The following MGAT5 variants were observed in gnomAD, a reference collection of about 807,000 sequenced individuals.
MGAT5 encodes alpha-1,6-mannosylglycoprotein 6-beta-N-acetylglucosaminyltransferase A.
In MGAT5, 30 loss-of-function variants were observed where a neutral mutation model predicts 94.3. That is an observed-to-expected ratio of 0.32 (90% CI 0.24 to 0.43). MGAT5 has a LOEUF of 0.43. Among genes scored for constraint, MGAT5 ranks in the 20% least tolerant of loss-of-function variants. MGAT5 has a pLI of 1.00. For missense variants in MGAT5, 691 were observed against 905.5 expected, an observed-to-expected ratio of 0.76 and a Z score of 3.04; for synonymous variants, 310 against 322.9, an observed-to-expected ratio of 0.96 and a Z score of 0.43.
intron 2 of MGAT5, among the ~76,000 whole-genome samples, chr2:134,271,551 A>C (rs532083740): frequency 1.3e-5 from 2 of 152,098 alleles, no homozygotes; most frequent in Non-Finnish European, 2.9e-5. Flanking sequence ...AAATTCACAC[A>C]CTTAAGTGGG....
At chr2:134,298,478 A>G (rs1685823548) in intron 2 of MGAT5, among the ~76,000 whole-genome samples, 2 of 152,176 alleles carry the variant, frequency 1.3e-5, no homozygotes, top group Admixed American at 6.5e-5. Context: ...TCTTTTCATA[A>G]TAAGTTATGT....
intron 1 of MGAT5, among the ~76,000 whole-genome samples, chr2:134,222,105 C>A (rs773460213): frequency 6.8e-6 from 1 of 147,540 alleles, no homozygotes; most frequent in African/African-American, 2.5e-5. Context: ...GTAGCCAATT[C>A]TTTAAGAGGT....
chr2:134,259,409 A>T (rs1257222), intron 1 of MGAT5, among the ~76,000 whole-genome samples: 93,340 of 152,084 alleles, frequency 0.61, 29,464 homozygotes, highest in Non-Finnish European at 0.69. Flanking sequence ...ATCACCTCTT[A>T]TCTAACAGGA....
chr2:134,131,645 A>G lies in MGAT5; in HGVS notation c.-143+11354A>G, dbSNP rs1573714417. On this transcript the variant is annotated intron_variant, in intron 1 of 16. Transcript: ENST00000409645. ...TGGCCTCCCTGAACTCCCTGTATCC[A>G]CTATCCACACTCTTTGCCCTATAAC... Among the ~76,000 whole-genome samples, 7 of 130,738 alleles carry G rather than the reference A, an allele frequency of 5.4e-5. 1 individual carries two copies. In the South Asian group the frequency reaches 1.6e-3, roughly 31 times the overall value. The allele number at this position is 130,738 out of a possible 152,430, so 85.8% of individuals were successfully genotyped here.
rs556107246 is a variant in MGAT5, at chr2:134,388,342, G to A, written c.1381-14646G>A. 5.9e-5 allele frequency among the ~76,000 whole-genome samples: 9 copies of A among 151,376 alleles called. No homozygotes were observed. The South Asian group carries it at 6.3e-4, about 11-fold the overall frequency. On this transcript the variant is annotated intron_variant, in intron 10 of 15. Transcript: ENST00000281923. The stretch of plus-strand genomic sequence containing the variant: ...CATGTTTCCTCCTTATCTGCCCTCC[G>A]CCCCCAGAATATTGTGAAGCAAATT...
chr2:134,386,991 G>A lies in MGAT5; in HGVS notation c.1381-15997G>A, dbSNP rs191395173. 4.4e-4 allele frequency among the ~76,000 whole-genome samples: 67 copies of A among 152,186 alleles called. 1 individual carries two copies. Among genetic ancestry groups the A allele is most frequent in the African/African-American group, 1.5e-3 (63 of 41,534 alleles). ...AAAAGATATGTATGAGCCGGGTGCG[G>A]TGGCTCACACATGTAATCCCATCAC... On this transcript the variant is annotated intron_variant, in intron 10 of 15. Coordinates refer to ENST00000281923, the MANE Select transcript of MGAT5 (RefSeq NM_002410.5).
rs922768770 is a variant in MGAT5 at position 134,268,672 on chromosome 2, A to T, written c.242-1714A>T. On this transcript the variant is annotated intron_variant, in intron 1 of 15. Coordinates refer to ENST00000281923, the MANE Select transcript of MGAT5 (RefSeq NM_002410.5). This position sits in a 1 kb window ranked among gnomAD's most constrained non-coding sequence, Gnocchi z 4.1. ...TCCAGTGAAAGGTTTTATTTTACTTATATATTTAACAGGCAGTTATGCAGT... is the reference window on the plus strand; with the variant it reads ...TCCAGTGAAAGGTTTTATTTTACTTTTATATTTAACAGGCAGTTATGCAGT... Among the ~76,000 whole-genome samples, 1 of 152,250 alleles carries T rather than the reference A, an allele frequency of 6.6e-6. No individual in the cohort carries two copies. Among genetic ancestry groups the T allele is most frequent in the Non-Finnish European group, 1.5e-5 (1 of 68,038 alleles).
chr2:134,268,034 G>A lies in MGAT5; in HGVS notation c.242-2352G>A, dbSNP rs1028264685. On this transcript the variant is annotated intron_variant, in intron 1 of 15. Transcript: ENST00000281923. This position sits in a 1 kb window ranked among gnomAD's most constrained non-coding sequence, Gnocchi z 4.1. ...AGGATATTTAGCAGTGTCTGGAGACGTTTTTGATTGCCACACCTGGATAAT... is the reference window on the plus strand; with the variant it reads ...AGGATATTTAGCAGTGTCTGGAGACATTTTTGATTGCCACACCTGGATAAT... Among the ~76,000 whole-genome samples the A allele has an allele frequency of 2.6e-5, 4 of 152,216 alleles. No individual in the cohort carries two copies. Among genetic ancestry groups the A allele is most frequent in the Admixed American group, 2.0e-4 (3 of 15,280 alleles).
intron 12 of MGAT5, among the ~76,000 whole-genome samples, chr2:134,413,546 A>G (rs1377698118): frequency 2.0e-5 from 3 of 152,238 alleles, no homozygotes; most frequent in Non-Finnish European, 4.4e-5. Context: ...AATTGCCTTC[A>G]GAGATCCTGT....
At chr2:134,217,313 A>G (rs1680551780) in intron 1 of MGAT5, among the ~76,000 whole-genome samples, 1 of 151,532 alleles carries the variant, frequency 6.6e-6, no homozygotes, top group Non-Finnish European at 1.5e-5. Context: ...GGAAGGAAAT[A>G]CATCTTTTTT....
chr2:134,202,565 G>GT (rs1458320717), intron 1 of MGAT5, among the ~76,000 whole-genome samples: 1 of 152,228 alleles, frequency 6.6e-6, no homozygotes, highest in African/African-American at 2.4e-5. Context: ...CTGGCCCAGG[G>GT]TTTAGCATTC....
At chr2:134,198,329 AG>A (rs372308500) in intron 1 of MGAT5, among the ~76,000 whole-genome samples, 157 of 152,284 alleles carry the variant, frequency 1.0e-3, no homozygotes, top group African/African-American at 3.3e-3. Flanking sequence ...AGCTCTGTGT[AG>A]CTCTGAAGAT....
intron 2 of MGAT5, among the ~76,000 whole-genome samples, chr2:134,283,005 G>T (rs529974580): frequency 1.2e-4 from 18 of 148,402 alleles, no homozygotes; most frequent in African/African-American, 4.5e-4. Context: ...AAAAAAAAAA[G>T]GACCCTTTAC....
At chr2:134,148,985 G>C (rs1386981628) in intron 1 of MGAT5, among the ~76,000 whole-genome samples, 1 of 151,974 alleles carries the variant, frequency 6.6e-6, no homozygotes, top group Non-Finnish European at 1.5e-5. Context: ...TGCTGGTCTG[G>C]AACTCCTGAC....
At chr2:134,189,183 C>T (rs1425714160) in intron 1 of MGAT5, among the ~76,000 whole-genome samples, 1 of 152,182 alleles carries the variant, frequency 6.6e-6, no homozygotes, top group African/African-American at 2.4e-5. Context: ...GATTCAATTT[C>T]CAGTCCCCTC....
At chr2:134,421,000 C>A (rs1239432160) in intron 12 of MGAT5, among the ~76,000 whole-genome samples, 2 of 152,150 alleles carry the variant, frequency 1.3e-5, no homozygotes, top group Non-Finnish European at 2.9e-5. Flanking sequence ...ATATGGTCAG[C>A]CTTTTTACTT....
At chr2:134,448,430 C>A (rs948412660) in intron 15 of MGAT5, among the ~76,000 whole-genome samples, 7 of 152,220 alleles carry the variant, frequency 4.6e-5, no homozygotes, top group Non-Finnish European at 8.8e-5. Flanking sequence ...CAAACACACA[C>A]CCCTGCACAC....
At chr2:134,309,761 T>C (rs956611640) in intron 2 of MGAT5, among the ~76,000 whole-genome samples, 1 of 152,196 alleles carries the variant, frequency 6.6e-6, no homozygotes, top group African/African-American at 2.4e-5. Flanking sequence ...AGCATTCTTA[T>C]ATAACTGTTT....
At chr2:134,269,922 A>G (rs917286192) in intron 1 of MGAT5, among the ~76,000 whole-genome samples, 13 of 152,252 alleles carry the variant, frequency 8.5e-5, no homozygotes, top group African/African-American at 3.1e-4. Flanking sequence ...GTGTTAGTGT[A>G]TGTAACTAAC....
Sources: gnomAD v4.1 joint callset for allele counts (sites outside exome capture counted in the v4.1 genomes callset) on GRCh38, gnomAD v4.1.1 for gene constraint, Gnocchi (gnomAD v3.1) non-coding constraint, MANE v1.5 for transcripts, NCBI Gene and HGNC (gene_info 2026-07-23, HGNC 2026-07-21) for gene names.